SORCS3: variants seen among roughly 807,000 people sequenced by gnomAD.
SORCS3 encodes VPS10 domain-containing receptor SorCS3.
A neutral mutation model predicts 146.3 loss-of-function variants in SORCS3; 57 were observed. The ratio of observed to expected loss-of-function variants is 0.39; its 90% CI spans 0.31 to 0.49. SORCS3 has a LOEUF of 0.49. Among genes scored for constraint, SORCS3 ranks in the 20% least tolerant of loss-of-function variants. The pLI, the probability that SORCS3 is intolerant of heterozygous loss-of-function variation, is 0.92. For synonymous variants in SORCS3, 653 were observed against 618.5 expected, an observed-to-expected ratio of 1.06 and a Z score of -0.83; for missense variants, 1,341 against 1,575.5, an observed-to-expected ratio of 0.85 and a Z score of 2.52.
At chr10:105,141,453 T>A (rs1220953621) in intron 8 of SORCS3, among the ~76,000 whole-genome samples, 1 of 152,124 alleles carries the variant, frequency 6.6e-6, no homozygotes, top group Non-Finnish European at 1.5e-5. Context: ...AAAATGAAAA[T>A]GGCTTTTAAG....
chr10:104,780,807 G>T (rs1357005924), intron 1 of SORCS3, among the ~76,000 whole-genome samples: 1 of 152,210 alleles, frequency 6.6e-6, no homozygotes, highest in Admixed American at 6.5e-5. Flanking sequence ...GTGTCTGCCA[G>T]ATGATCCTCT....
chr10:104,698,476 T>C (rs2016243274), intron 1 of SORCS3, among the ~76,000 whole-genome samples: 1 of 152,178 alleles, frequency 6.6e-6, no homozygotes, highest in South Asian at 2.1e-4. Flanking sequence ...TTTGATTTGA[T>C]ACTCAACAGC....
intron 7 of SORCS3, among the ~76,000 whole-genome samples, chr10:105,114,252 A>G (rs189496343): frequency 3.3e-5 from 5 of 152,254 alleles, no homozygotes; most frequent in African/African-American, 1.2e-4. Flanking sequence ...TTCATTTCAT[A>G]AAAGAGGTAT....
intron 1 of SORCS3, among the ~76,000 whole-genome samples, chr10:104,684,783 T>TG (rs1319012906): frequency 3.1e-4 from 1 of 3,192 alleles, no homozygotes; most frequent in Admixed American, 4.5e-3. Flanking sequence ...CTCAGTGTTT[T>TG]TTTTTTTTTT....
At chr10:104,974,481 T>G (rs1272616169) in intron 3 of SORCS3, among the ~76,000 whole-genome samples, 24 of 152,234 alleles carry the variant, frequency 1.6e-4, no homozygotes, top group Admixed American at 4.6e-4. Flanking sequence ...ATCTTTGTTG[T>G]TTTGAAGTCT....
At chr10:105,160,929 G>A (rs2056256817) in intron 11 of SORCS3, among the ~76,000 whole-genome samples, 1 of 152,122 alleles carries the variant, frequency 6.6e-6, no homozygotes, top group African/African-American at 2.4e-5. Flanking sequence ...AAAACTGTGG[G>A]GGTGTTGTAA....
At chr10:104,849,640 A>T (rs1398333497) in intron 2 of SORCS3, among the ~76,000 whole-genome samples, 1 of 152,232 alleles carries the variant, frequency 6.6e-6, no homozygotes. Context: ...CCATAAAAAT[A>T]GAATGATAAT....
intron 2 of SORCS3, among the ~76,000 whole-genome samples, chr10:104,905,882 A>G (rs1365671551): frequency 6.6e-6 from 1 of 152,176 alleles, no homozygotes; most frequent in African/African-American, 2.4e-5. Context: ...TTAATTGAAA[A>G]GTGATTAATG....
chr10:104,880,009 C>G (rs1180608124), intron 2 of SORCS3, among the ~76,000 whole-genome samples: 1 of 152,152 alleles, frequency 6.6e-6, no homozygotes, highest in Non-Finnish European at 1.5e-5. Flanking sequence ...AGCTCTAATC[C>G]TTTCTCTCAG....
At chr10:105,128,639 C>T (rs1040712114) in intron 7 of SORCS3, among the ~76,000 whole-genome samples, 2 of 152,120 alleles carry the variant, frequency 1.3e-5, no homozygotes, top group Non-Finnish European at 2.9e-5. Context: ...TCTGCTTCTC[C>T]TTCTCATATT....
At chr10:105,041,895 A>G (rs964679636) in intron 4 of SORCS3, among the ~76,000 whole-genome samples, 2 of 152,272 alleles carry the variant, frequency 1.3e-5, no homozygotes, top group Admixed American at 6.5e-5. Context: ...TGGGAAAAAC[A>G]TAAGGATGGT....
chr10:104,858,939 A>AT lies in SORCS3; in HGVS notation c.695+16080_695+16081insT, dbSNP rs1421264856. 0.032 allele frequency among the ~76,000 whole-genome samples: 30 copies of AT among 952 alleles called. No homozygotes were observed. The South Asian group carries it at 0.5, about 16-fold the overall frequency. 0.6% of individuals were successfully genotyped at this position (952 alleles called of 152,430 possible). On this transcript the variant is annotated intron_variant, in intron 2 of 26. Coordinates refer to ENST00000369701, the MANE Select transcript of SORCS3 (RefSeq NM_014978.3). ...CCTGGCCTGAGAAGTGTACATTTAT[A>AT]AAAAAAAAAAAAAACAACAAAAAAG... is the stretch of plus-strand genomic sequence containing the variant.
chr10:104,645,739 A>G (rs2015488150), intron 1 of SORCS3, among the ~76,000 whole-genome samples: 1 of 152,236 alleles, frequency 6.6e-6, no homozygotes, highest in Non-Finnish European at 1.5e-5. Flanking sequence ...TCTCCCAGGC[A>G]GGATTTCCTA....
chr10:104,776,713 CT>C (rs542997252), intron 1 of SORCS3, among the ~76,000 whole-genome samples: 152 of 152,014 alleles, frequency 1.0e-3, no homozygotes, highest in Admixed American at 1.6e-3. Context: ...CACCCACAGC[CT>C]TTTCTTTAGT....
chr10:104,721,251 T>G (rs1351190273), intron 1 of SORCS3, among the ~76,000 whole-genome samples: 1 of 152,198 alleles, frequency 6.6e-6, no homozygotes, highest in Non-Finnish European at 1.5e-5. Context: ...CCCCATTGCT[T>G]GTTTTTGTCA....
chr10:104,995,916 G>C, intron 4 of SORCS3, among the ~76,000 whole-genome samples: 1 of 152,122 alleles, frequency 6.6e-6, no homozygotes, highest in Middle Eastern at 3.2e-3. Flanking sequence ...AATCAACTTT[G>C]AGTTAAATTT....
intron 4 of SORCS3, among the ~76,000 whole-genome samples, chr10:104,978,061 C>G (rs1448045191): frequency 6.6e-6 from 1 of 152,146 alleles, no homozygotes; most frequent in Non-Finnish European, 1.5e-5. Context: ...TAATTTTACT[C>G]ATTTGACCTT....
At chr10:104,997,979 G>C (rs1162401520) in intron 4 of SORCS3, among the ~76,000 whole-genome samples, 2 of 152,132 alleles carry the variant, frequency 1.3e-5, no homozygotes, top group Non-Finnish European at 2.9e-5. Context: ...TTTGTAGACT[G>C]TACAGAATGG....
At chr10:104,716,233 AAT>A (rs1269556578) in intron 1 of SORCS3, among the ~76,000 whole-genome samples, 2 of 152,160 alleles carry the variant, frequency 1.3e-5, no homozygotes, top group African/African-American at 4.8e-5. Flanking sequence ...CCCAAACTAG[AAT>A]ATAAGATACA....
Sources: allele counts gnomAD v4.1 joint callset (sites outside exome capture counted in the v4.1 genomes callset), GRCh38; gene constraint gnomAD v4.1.1; transcripts MANE v1.5; gene names NCBI Gene and HGNC (gene_info 2026-07-23, HGNC 2026-07-21).